The following MYO16 variants were observed in gnomAD, a reference collection of about 807,000 sequenced individuals.
MYO16 encodes myosin XVI.
In MYO16, 94 loss-of-function variants were observed where a neutral mutation model predicts 205.3. The ratio of observed to expected loss-of-function variants is 0.46; its 90% CI spans 0.39 to 0.54. The LOEUF is 0.54. Among genes scored for constraint, MYO16 ranks in the 20% least tolerant of loss-of-function variants. The pLI, the probability that MYO16 is intolerant of heterozygous loss-of-function variation, is 0.00. For missense variants in MYO16, 2,315 were observed against 2,387.5 expected, an observed-to-expected ratio of 0.97 and a Z score of 0.63; for synonymous variants, 988 against 954.0, an observed-to-expected ratio of 1.04 and a Z score of -0.66.
chr13:108,992,204 C>A (rs1442131445), intron 20 of MYO16, among the ~76,000 whole-genome samples, 172 bp from the exon 21 acceptor site: 1 of 151,944 alleles, frequency 6.6e-6, no homozygotes, highest in African/African-American at 2.4e-5. Flanking sequence ...TTTGGGGGGG[C>A]TAACTTTCAG....
At chr13:109,113,938 C>G (rs1875536472) in intron 28 of MYO16, among the ~76,000 whole-genome samples, 1 of 152,138 alleles carries the variant, frequency 6.6e-6, no homozygotes, top group Non-Finnish European at 1.5e-5. Context: ...GAGATGGGCT[C>G]CATAGGTATG....
At chr13:108,805,734 C>G (rs940292232) in intron 6 of MYO16, among the ~76,000 whole-genome samples, 1 of 151,900 alleles carries the variant, frequency 6.6e-6, no homozygotes, top group Middle Eastern at 3.4e-3. Flanking sequence ...AAACCCCGAT[C>G]TCATCATTAT....
intron 9 of MYO16, among the ~76,000 whole-genome samples, chr13:108,835,069 A>T (rs532541515): frequency 1.3e-5 from 2 of 148,376 alleles, no homozygotes; most frequent in South Asian, 4.3e-4. Flanking sequence ...TGCCTTTCAA[A>T]ACAAGTATAT....
chr13:108,617,693 C>G (rs1018953085), intron 1 of MYO16, among the ~76,000 whole-genome samples: 1 of 152,106 alleles, frequency 6.6e-6, no homozygotes. Context: ...CATGTTCAGT[C>G]CATCTTGTGT....
chr13:109,190,272 G>C (rs1332606588), intron 34 of MYO16, among the ~76,000 whole-genome samples: 1 of 152,146 alleles, frequency 6.6e-6, no homozygotes, highest in Non-Finnish European at 1.5e-5. Flanking sequence ...AATGGTGTGA[G>C]TTAGCAATGT....
At chr13:109,180,490 A>G (rs559100842) in intron 34 of MYO16, among the ~76,000 whole-genome samples, 1 of 152,296 alleles carries the variant, frequency 6.6e-6, no homozygotes, top group Admixed American at 6.5e-5. Flanking sequence ...TTACAGCACA[A>G]TTTTTATGTC....
chr13:109,119,102 C>A (rs1393969106), intron 28 of MYO16, among the ~76,000 whole-genome samples: 1 of 152,106 alleles, frequency 6.6e-6, no homozygotes, highest in Non-Finnish European at 1.5e-5. Flanking sequence ...TGGAAAGGGG[C>A]AAAGTGACAA....
chr13:108,657,013 A>T (rs549593383), intron 1 of MYO16, among the ~76,000 whole-genome samples: 1 of 152,216 alleles, frequency 6.6e-6, no homozygotes, highest in Non-Finnish European at 1.5e-5. Context: ...CTCACCTAAG[A>T]AGGCACATAC....
At chr13:109,094,016 C>T (rs1157290442) in intron 27 of MYO16, among the ~76,000 whole-genome samples, 1 of 151,998 alleles carries the variant, frequency 6.6e-6, no homozygotes, top group Non-Finnish European at 1.5e-5. Flanking sequence ...TACAACTTTC[C>T]TCTCCCTTCC....
At chr13:109,030,778 C>G (rs1886523712) in intron 23 of MYO16, among the ~76,000 whole-genome samples, 1 of 152,068 alleles carries the variant, frequency 6.6e-6, no homozygotes. Context: ...CAACTAAACT[C>G]CCTACCCATC....
intron 1 of MYO16, among the ~76,000 whole-genome samples, chr13:108,634,313 C>T (rs1880125544): frequency 6.6e-6 from 1 of 152,188 alleles, no homozygotes; most frequent in Non-Finnish European, 1.5e-5. Context: ...TTCTCACCTG[C>T]AGTCCTGAAT....
At chr13:108,619,509 C>T (rs1472048769) in intron 1 of MYO16, among the ~76,000 whole-genome samples, 1 of 151,992 alleles carries the variant, frequency 6.6e-6, no homozygotes, top group South Asian at 2.1e-4. Context: ...GATAGATACT[C>T]GAGGGTGTAA....
chr13:108,770,843 C>T (rs1442418257), intron 4 of MYO16, among the ~76,000 whole-genome samples: 1 of 152,160 alleles, frequency 6.6e-6, no homozygotes, highest in South Asian at 2.1e-4. Flanking sequence ...TCAGCCCCTA[C>T]CTAGACAACA....
intron 20 of MYO16, among the ~76,000 whole-genome samples, chr13:108,973,980 A>C (rs1884156247): frequency 6.6e-6 from 1 of 152,014 alleles, no homozygotes; most frequent in Admixed American, 6.6e-5. Flanking sequence ...TGGATAATCC[A>C]TGTTTGGTCT....
At chr13:108,891,169 C>T (rs1225062552) in intron 14 of MYO16, among the ~76,000 whole-genome samples, 5 of 152,238 alleles carry the variant, frequency 3.3e-5, no homozygotes, top group Admixed American at 3.3e-4. Flanking sequence ...TTATCAAATA[C>T]ATTTAATGTG....
chr13:108,724,390 T>C (rs894610485), intron 3 of MYO16, among the ~76,000 whole-genome samples: 3 of 152,222 alleles, frequency 2.0e-5, no homozygotes, highest in Non-Finnish European at 4.4e-5. Flanking sequence ...CTGGTTTCAG[T>C]GGAAGGGGTG....
intron 34 of MYO16, among the ~76,000 whole-genome samples, chr13:109,181,073 C>T (rs906419550): frequency 2.0e-5 from 3 of 152,344 alleles, no homozygotes; most frequent in African/African-American, 4.8e-5. Flanking sequence ...ATTTGAAAGA[C>T]GGTGTATATA....
At chr13:108,676,234 G>A (rs1882196023) in intron 2 of MYO16, among the ~76,000 whole-genome samples, 1 of 152,120 alleles carries the variant, frequency 6.6e-6, no homozygotes. Flanking sequence ...TAAGGGCACT[G>A]ATGTAAACAA....
chr13:108,614,517 A>T (rs1232124149), intron 1 of MYO16, among the ~76,000 whole-genome samples: 1 of 152,102 alleles, frequency 6.6e-6, no homozygotes, highest in Non-Finnish European at 1.5e-5. Flanking sequence ...ATAACTAAAA[A>T]CTATCTTTAA....
Sources: allele counts gnomAD v4.1 joint callset (sites outside exome capture counted in the v4.1 genomes callset), GRCh38; gene constraint gnomAD v4.1.1; transcripts MANE v1.5; gene names NCBI Gene and HGNC (gene_info 2026-07-23, HGNC 2026-07-21).